The following TMEM209 variants were observed in gnomAD, a reference collection of about 807,000 sequenced individuals.
TMEM209 encodes testicular tissue protein Li 202.
A neutral mutation model predicts 76.2 loss-of-function variants in TMEM209; 65 were observed. That is an observed-to-expected ratio of 0.85 (90% CI 0.70 to 1.05). The LOEUF (loss-of-function observed/expected upper bound fraction) is 1.05. Among genes scored for constraint, TMEM209 ranks in the 50% least tolerant of loss-of-function variants. The pLI is 0.00. For missense variants in TMEM209, 623 were observed against 685.5 expected (o/e 0.91, Z 1.02); for synonymous variants, 239 against 237.6 (o/e 1.01, Z -0.06).
intron 4 of TMEM209, 151 bp downstream of exon 4, chr7:130,202,381 G>A: frequency 8.6e-7 from 1 of 1,156,328 alleles, no homozygotes; most frequent in African/African-American, 1.5e-5. Flanking sequence ...AAGTAGGAAT[G>A]ATAATCATTG....
At chr7:130,184,069 C>T in intron 8 of TMEM209, 115 bp downstream of exon 8, 1 of 669,020 alleles carries the variant, frequency 1.5e-6, no homozygotes, top group South Asian at 2.4e-5. Context: ...ACCATTCATA[C>T]TGTACCTTTA....
In TMEM209 at chr7:130,201,965, T is replaced by C. The variant is rs1562900415; in HGVS notation, c.458A>G (p.Lys153Arg). The change falls in exon 5 of 15, where the codon AAG becomes AGG. Residue 153 changes from lysine to arginine, a missense_variant. Physicochemically the swap from Lys to Arg is conservative, Grantham distance 26. Coordinates refer to ENST00000397622, the MANE Select transcript of TMEM209 (RefSeq NM_032842.4). Reference sequence around the variant, plus strand: ...ACCAGTCATACAGCTGGTGGTGAACTTGGGACTGGTACTGGGCGAACGAGA... The same window carrying C: ...ACCAGTCATACAGCTGGTGGTGAACCTGGGACTGGTACTGGGCGAACGAGA... ...SPSRSPSTSP[K>R]FTTSCMTGYS... 6.2e-7 allele frequency: 1 copy of C among 1,613,854 alleles called. No individual in the cohort carries two copies. The highest frequency in any genetic ancestry group is 1.1e-5 in the South Asian group (1 of 91,068).
rs1410909487 is a variant in TMEM209 at position 130,202,522 on chromosome 7, A to G, written c.331+10T>C. 3 of 1,599,212 alleles carry G rather than the reference A, an allele frequency of 1.9e-6. No homozygotes were observed. Among genetic ancestry groups the G allele is most frequent in the Non-Finnish European group, 2.6e-6 (3 of 1,175,244 alleles). ...TTTCCCCACCTTTGCAAGAGATATA[A>G]AACACTCACCAGCTGTTTTCAACCC... On this transcript the variant is annotated intron_variant, in intron 4 of 14. Coordinates refer to ENST00000397622, the MANE Select transcript of TMEM209 (RefSeq NM_032842.4).
intron 8 of TMEM209, chr7:130,181,945 C>CTTT: frequency 6.6e-6 from 2 of 302,688 alleles, no homozygotes; most frequent in East Asian, 7.0e-5. Context: ...ACTTACATTC[C>CTTT]TTTTTTTTTT....
At chr7:130,184,397 C>A in intron 7 of TMEM209, 142 bp from the exon 8 acceptor site, 1 of 590,906 alleles carries the variant, frequency 1.7e-6, no homozygotes, top group Non-Finnish European at 2.9e-6. Flanking sequence ...AATTAATATT[C>A]AGTAATTTTC....
chr7:130,180,329 CA>C (rs1797367500), intron 9 of TMEM209, among the ~76,000 whole-genome samples: 1 of 151,910 alleles, frequency 6.6e-6, no homozygotes, highest in Non-Finnish European at 1.5e-5. Context: ...AACAAAAAGA[CA>C]AATAACCAAA....
chr7:130,203,666 T>C, intron 3 of TMEM209, 122 bp downstream of exon 3: 2 of 820,774 alleles, frequency 2.4e-6, no homozygotes, highest in Non-Finnish European at 3.8e-6. Context: ...GTATTCCCAG[T>C]TTTTACAACC....
chr7:130,187,098 C>G (rs1797625219), intron 6 of TMEM209, among the ~76,000 whole-genome samples: 1 of 151,836 alleles, frequency 6.6e-6, no homozygotes, highest in South Asian at 2.1e-4. Flanking sequence ...CAAAAATTAG[C>G]CAGGTATGGT....
intron 1 of TMEM209, chr7:130,205,039 T>G: frequency 7.8e-7 from 1 of 1,277,048 alleles, no homozygotes; most frequent in Non-Finnish European, 1.0e-6. Context: ...ACATTTGGGA[T>G]TTATAATTCC....
chr7:130,181,393 G>C (rs189830907), intron 9 of TMEM209, among the ~76,000 whole-genome samples: 2 of 152,172 alleles, frequency 1.3e-5, no homozygotes, highest in Non-Finnish European at 2.9e-5. Flanking sequence ...CTATGGTGAT[G>C]GTTGCATAAC....
chr7:130,169,531 G>A (rs971381845), intron 14 of TMEM209, among the ~76,000 whole-genome samples: 4 of 152,126 alleles, frequency 2.6e-5, no homozygotes, highest in Non-Finnish European at 5.9e-5. Context: ...TCTGTTACAC[G>A]TTTTACACTT....
At chr7:130,189,090 T>C (rs565145148) in intron 6 of TMEM209, among the ~76,000 whole-genome samples, 1 of 151,580 alleles carries the variant, frequency 6.6e-6, no homozygotes, top group Admixed American at 6.6e-5. Context: ...CCTGCATCAA[T>C]AAAAGAAAAA....
chr7:130,168,075 G>A (rs532197711), intron 14 of TMEM209, among the ~76,000 whole-genome samples: 74 of 152,064 alleles, frequency 4.9e-4, no homozygotes, highest in African/African-American at 1.6e-3. Flanking sequence ...AAATGAAAAA[G>A]TGCTGCTCCA....
chr7:130,176,226 C>G (rs1258328141), intron 10 of TMEM209, among the ~76,000 whole-genome samples: 9 of 151,642 alleles, frequency 5.9e-5, no homozygotes, highest in Non-Finnish European at 1.0e-4. Flanking sequence ...CATTCTCCTG[C>G]CTCAGCCTCC....
At chr7:130,166,528 T>C in intron 14 of TMEM209, 23 bp from the exon 15 acceptor site, 4 of 1,479,404 alleles carry the variant, frequency 2.7e-6, no homozygotes, top group Non-Finnish European at 3.6e-6. Flanking sequence ...AAAAAATTTT[T>C]ATTAGAATTG....
At chr7:130,201,261 T>TTAA (rs1261259021) in intron 5 of TMEM209, among the ~76,000 whole-genome samples, 1 of 152,114 alleles carries the variant, frequency 6.6e-6, no homozygotes, top group African/African-American at 2.4e-5. Context: ...CCCCCTTATA[T>TTAA]TAATAGTTTT....
chr7:130,170,367 A>G, intron 14 of TMEM209, 33 bp downstream of exon 14: 1 of 1,553,482 alleles, frequency 6.4e-7, no homozygotes, highest in Non-Finnish European at 8.8e-7. Flanking sequence ...ATCAGTAAAT[A>G]ACTACTTACG....
chr7:130,202,699 G>C, intron 3 of TMEM209, 36 bp from the exon 4 acceptor site: 1 of 1,597,478 alleles, frequency 6.3e-7, no homozygotes, highest in Non-Finnish European at 8.5e-7. Flanking sequence ...TAAGGGGGGT[G>C]AGGAGGGCAT....
At chr7:130,174,981 T>C (rs1009726166) in intron 11 of TMEM209, among the ~76,000 whole-genome samples, 17 of 151,862 alleles carry the variant, frequency 1.1e-4, no homozygotes, top group African/African-American at 2.7e-4. Flanking sequence ...ATTACAAATA[T>C]GATAAAAACA....
Sources: gnomAD v4.1 joint callset for allele counts (sites outside exome capture counted in the v4.1 genomes callset) on GRCh38, gnomAD v4.1.1 for gene constraint, MANE v1.5 for transcripts, NCBI Gene and HGNC (gene_info 2026-07-23, HGNC 2026-07-21) for gene names.